POU6F2: variants seen among roughly 807,000 people sequenced by gnomAD.
POU6F2 encodes the protein POU domain, class 6, transcription factor 2.
In POU6F2, 31 loss-of-function variants were observed where a neutral mutation model predicts 71.3. The ratio of observed to expected loss-of-function variants is 0.43; its 90% CI spans 0.33 to 0.59. The LOEUF is 0.59. Among genes scored for constraint, POU6F2 ranks in the 20% least tolerant of loss-of-function variants. The pLI is 0.04. For missense variants in POU6F2, 783 were observed against 856.8 expected, an observed-to-expected ratio of 0.91 and a Z score of 1.07; for synonymous variants, 347 against 355.7, an observed-to-expected ratio of 0.98 and a Z score of 0.27.
At chr7:39,048,275 T>C (rs919391331) in intron 1 of POU6F2, among the ~76,000 whole-genome samples, 1 of 151,900 alleles carries the variant, frequency 6.6e-6, no homozygotes, top group African/African-American at 2.4e-5. Context: ...TTGTATGTTG[T>C]GGGGTTTGGT....
chr7:39,135,108 A>G (rs896764495), intron 2 of POU6F2, among the ~76,000 whole-genome samples: 10 of 152,214 alleles, frequency 6.6e-5, no homozygotes, highest in African/African-American at 2.4e-4. Context: ...TCTTAAACTA[A>G]CAAGACATGA....
chr7:39,030,541 T>TATATATAC (rs1789917351), intron 1 of POU6F2, among the ~76,000 whole-genome samples: 2 of 125,786 alleles, frequency 1.6e-5, no homozygotes, highest in African/African-American at 3.0e-5. Context: ...TATATATATA[T>TATATATAC]ATACACACAC....
rs565188723 is a variant in POU6F2 at position 39,400,210 on chromosome 7, A to C, written c.973-6390A>C. Reference sequence around the variant, plus strand: ...TTAGCATAAAGTTGGGTGTGGTTGAAAGAGGGCTTCTTAAGAATAACAAAA... The same window carrying C: ...TTAGCATAAAGTTGGGTGTGGTTGACAGAGGGCTTCTTAAGAATAACAAAA... On this transcript the variant is annotated intron_variant, in intron 5 of 9. Coordinates refer to ENST00000518318, the MANE Select transcript of POU6F2 (RefSeq NM_001370959.1). 1.2e-4 allele frequency among the ~76,000 whole-genome samples: 19 copies of C among 152,342 alleles called. No homozygotes were observed. In the South Asian group the frequency reaches 3.9e-3, roughly 32 times the overall value.
At chr7:39,030,500 CTATATATATATATATATA>C (rs58426134) in intron 1 of POU6F2, among the ~76,000 whole-genome samples, 762 of 46,250 alleles carry the variant, frequency 0.016, 39 homozygotes, top group African/African-American at 0.043. Context: ...TCAAAAAATA[CTATATATATATATATATA>C]TATATATATA....
intron 4 of POU6F2, among the ~76,000 whole-genome samples, chr7:39,297,383 C>T (rs1784869690): frequency 6.6e-6 from 1 of 152,156 alleles, no homozygotes; most frequent in African/African-American, 2.4e-5. Context: ...TCACTTGAAA[C>T]TCACATTTAA....
rs1016556070 is a variant in POU6F2 at position 39,058,185 on chromosome 7, C to T, written c.106-27675C>T. 2.6e-5 allele frequency among the ~76,000 whole-genome samples: 4 copies of T among 152,194 alleles called. No homozygotes were observed. In the South Asian group the frequency reaches 8.3e-4, roughly 32 times the overall value. On this transcript the variant is annotated intron_variant, in intron 1 of 9. Coordinates refer to ENST00000518318, the MANE Select transcript of POU6F2 (RefSeq NM_001370959.1). ...AGCAGCATATTTCAGCTTGTATCCTCTTCTCCAAGTTATCTGCAGTTCTGT... is the reference window on the plus strand; with the variant it reads ...AGCAGCATATTTCAGCTTGTATCCTTTTCTCCAAGTTATCTGCAGTTCTGT...
chr7:39,458,845 T>C (rs1364190537), intron 8 of POU6F2, among the ~76,000 whole-genome samples: 3 of 152,228 alleles, frequency 2.0e-5, no homozygotes, highest in East Asian at 3.9e-4. Flanking sequence ...CCTCCCTGCA[T>C]TTCTGCCTGT....
At chr7:39,166,902 T>A (rs1338437753) in intron 2 of POU6F2, among the ~76,000 whole-genome samples, 2 of 152,248 alleles carry the variant, frequency 1.3e-5, no homozygotes, top group Non-Finnish European at 2.9e-5. Flanking sequence ...ATGTTAGCTC[T>A]GTAAGTTTTC....
intron 4 of POU6F2, among the ~76,000 whole-genome samples, chr7:39,272,819 C>T (rs1204995727): frequency 6.6e-6 from 1 of 152,166 alleles, no homozygotes; most frequent in Admixed American, 6.6e-5. Flanking sequence ...TCTTCTATAA[C>T]AAGAAGGAGA....
intron 5 of POU6F2, among the ~76,000 whole-genome samples, chr7:39,376,393 G>C (rs756696834): frequency 7.9e-5 from 12 of 152,156 alleles, no homozygotes; most frequent in Non-Finnish European, 1.6e-4. Context: ...TAGTCAGGAG[G>C]GGTATTCATA....
chr7:39,248,087 G>A (rs904689055), intron 4 of POU6F2, among the ~76,000 whole-genome samples: 1 of 151,612 alleles, frequency 6.6e-6, no homozygotes, highest in African/African-American at 2.4e-5. Context: ...CCCAGTAACT[G>A]TTCTCTTTTC....
intron 1 of POU6F2, among the ~76,000 whole-genome samples, chr7:38,996,808 T>C (rs1283062875): frequency 6.6e-6 from 1 of 152,140 alleles, no homozygotes; most frequent in African/African-American, 2.4e-5. Flanking sequence ...CTTGCTTATA[T>C]CCGCAAAGGC....
intron 4 of POU6F2, among the ~76,000 whole-genome samples, chr7:39,302,373 G>A (rs1265986393): frequency 1.3e-5 from 2 of 152,178 alleles, no homozygotes; most frequent in Non-Finnish European, 2.9e-5. Context: ...ATGCACTTGT[G>A]GATTTTGTTC....
At chr7:39,208,959 G>A (rs547010285) in intron 4 of POU6F2, among the ~76,000 whole-genome samples, 2 of 152,072 alleles carry the variant, frequency 1.3e-5, no homozygotes, top group African/African-American at 4.8e-5. Context: ...TGTGCTTATG[G>A]GAATATTGAA....
intron 2 of POU6F2, among the ~76,000 whole-genome samples, chr7:39,095,088 C>A (rs1001627456): frequency 3.9e-5 from 6 of 152,148 alleles, no homozygotes; most frequent in African/African-American, 1.4e-4. Context: ...ATTCTATAAT[C>A]TATGAATGGG....
chr7:39,439,285 A>G (rs978622348), intron 7 of POU6F2, among the ~76,000 whole-genome samples: 6 of 151,956 alleles, frequency 3.9e-5, no homozygotes, highest in African/African-American at 1.5e-4. Context: ...TGAATACAAC[A>G]CACCGATGGG....
intron 2 of POU6F2, among the ~76,000 whole-genome samples, chr7:39,115,619 A>G (rs1445433472): frequency 1.3e-5 from 2 of 152,206 alleles, no homozygotes; most frequent in Non-Finnish European, 2.9e-5. Flanking sequence ...ATTTACTGAC[A>G]TATTACTGAG....
At chr7:39,131,185 T>C (rs979433400) in intron 2 of POU6F2, among the ~76,000 whole-genome samples, 6 of 152,134 alleles carry the variant, frequency 3.9e-5, no homozygotes, top group Non-Finnish European at 7.4e-5. Context: ...CCTTTATTGC[T>C]TTTTTCCCCT....
chr7:39,059,649 C>A (rs1790612540), intron 1 of POU6F2, among the ~76,000 whole-genome samples: 1 of 152,048 alleles, frequency 6.6e-6, no homozygotes, highest in Admixed American at 6.6e-5. Flanking sequence ...CCTATAGTTA[C>A]CATATGATCA....
Sources: gnomAD v4.1 joint callset for allele counts (sites outside exome capture counted in the v4.1 genomes callset) on GRCh38, gnomAD v4.1.1 for gene constraint, MANE v1.5 for transcripts, NCBI Gene and HGNC (gene_info 2026-07-23, HGNC 2026-07-21) for gene names.